AATF: variants seen among roughly 807,000 people sequenced by gnomAD.
AATF encodes apoptosis antagonizing transcription factor, also known as protein AATF.
In AATF, 48 loss-of-function variants were observed where a neutral mutation model predicts 63.7. The observed-to-expected ratio is 0.75, with a 90% confidence interval of 0.60 to 0.96. AATF has a LOEUF of 0.96. Ranked by LOEUF, AATF falls within the 40% of genes least tolerant of loss-of-function variation. The pLI is 0.00. For missense variants in AATF, 639 were observed against 685.7 expected (o/e 0.93, Z 0.76); for synonymous variants, 258 against 247.7 (o/e 1.04, Z -0.39).
intron 11 of AATF, among the ~76,000 whole-genome samples, chr17:37,046,415 G>A (rs2071691430): frequency 6.6e-6 from 1 of 152,098 alleles, no homozygotes; most frequent in Non-Finnish European, 1.5e-5. Context: ...CATGCTCCTT[G>A]AACGCTCGGG....
At chr17:36,978,448 G>A (rs9908383) in intron 4 of AATF, among the ~76,000 whole-genome samples, 4,035 of 151,958 alleles carry the variant, frequency 0.027, 188 homozygotes, top group East Asian at 0.15. Flanking sequence ...GAAAACCCAC[G>A]TCTGCTTTTG....
intron 10 of AATF, among the ~76,000 whole-genome samples, chr17:37,021,466 T>TA (rs2071469514): frequency 6.6e-6 from 1 of 151,920 alleles, no homozygotes; most frequent in Non-Finnish European, 1.5e-5. Context: ...CCATCTCTAC[T>TA]AAAAATACAA....
intron 4 of AATF, among the ~76,000 whole-genome samples, 158 bp downstream of exon 4, chr17:36,954,065 CTTTT>C (rs878859973): frequency 1.6e-5 from 2 of 122,478 alleles, no homozygotes; most frequent in Non-Finnish European, 1.7e-5. Context: ...TTCCAAGTTG[CTTTT>C]TTTTTTTTTT....
intron 8 of AATF, among the ~76,000 whole-genome samples, chr17:37,000,331 G>A (rs919326127): frequency 6.6e-6 from 1 of 152,150 alleles, no homozygotes; most frequent in African/African-American, 2.4e-5. Context: ...TTTGGCCTGA[G>A]CAGTTGGAGG....
At chr17:37,005,468 T>TA (rs1369910048) in intron 8 of AATF, among the ~76,000 whole-genome samples, 1 of 152,072 alleles carries the variant, frequency 6.6e-6, no homozygotes, top group East Asian at 1.9e-4. Flanking sequence ...ATGCTGGAAA[T>TA]ATAGGGAGAG....
chr17:36,984,818 T>A (rs1329914417), intron 4 of AATF, among the ~76,000 whole-genome samples: 2 of 151,806 alleles, frequency 1.3e-5, no homozygotes, highest in African/African-American at 2.4e-5. Flanking sequence ...AAAAAAATTT[T>A]GTAGAGCTGG....
chr17:36,998,216 CT>C (rs1049929516), intron 8 of AATF, among the ~76,000 whole-genome samples: 5 of 150,002 alleles, frequency 3.3e-5, no homozygotes, highest in African/African-American at 1.3e-4. Context: ...AACCCAGTAA[CT>C]TATGGAAAAA....
chr17:37,037,175 C>A (rs370322483), intron 11 of AATF, among the ~76,000 whole-genome samples: 1 of 151,954 alleles, frequency 6.6e-6, no homozygotes, highest in Non-Finnish European at 1.5e-5. Context: ...CTCCCCACCC[C>A]CTGGCTAATT....
chr17:36,966,247 T>C (rs1255941335), intron 4 of AATF, among the ~76,000 whole-genome samples: 1 of 152,156 alleles, frequency 6.6e-6, no homozygotes, highest in Non-Finnish European at 1.5e-5. Flanking sequence ...TAAGTTGTTA[T>C]TTTTAAGCTG....
At chr17:36,976,332 G>A (rs981938405) in intron 4 of AATF, among the ~76,000 whole-genome samples, 1 of 152,154 alleles carries the variant, frequency 6.6e-6, no homozygotes, top group Admixed American at 6.5e-5. Context: ...GATTGTTAGA[G>A]GACTTAAATG....
chr17:37,005,414 TGGTG>T (rs1338847690), intron 8 of AATF, among the ~76,000 whole-genome samples: 1 of 152,164 alleles, frequency 6.6e-6, no homozygotes, highest in African/African-American at 2.4e-5. Flanking sequence ...TTATTGATTC[TGGTG>T]GGGCTGAAGA....
At chr17:37,010,347 A>T (rs2142275902) in intron 8 of AATF, among the ~76,000 whole-genome samples, 1 of 152,254 alleles carries the variant, frequency 6.6e-6, no homozygotes, top group Non-Finnish European at 1.5e-5. Context: ...AGTCCCAGCT[A>T]CTTGAGAGGC....
intron 8 of AATF, among the ~76,000 whole-genome samples, chr17:37,018,161 C>G (rs1175826268): frequency 2.6e-5 from 4 of 152,182 alleles, no homozygotes; most frequent in Non-Finnish European, 2.9e-5. Flanking sequence ...GGGTTTTTCT[C>G]CCTTAGTGTT....
At position 37,040,859 on chromosome 17, in the gene AATF, T is replaced by G. The variant is rs73286038; in HGVS notation, c.1619+9174T>G. On this transcript the variant is annotated intron_variant, in intron 11 of 11. Coordinates refer to ENST00000619387, the MANE Select transcript of AATF (RefSeq NM_012138.4). ...CTGGATTCCCAAACCTGGTTTTATGTTATATCATTCTGGTTACAAAGACCT... is the reference window on the plus strand; with the variant it reads ...CTGGATTCCCAAACCTGGTTTTATGGTATATCATTCTGGTTACAAAGACCT... Among the ~76,000 whole-genome samples, 227 of 152,346 alleles carry G rather than the reference T, an allele frequency of 1.5e-3. 1 individual carries two copies. The highest frequency in any genetic ancestry group is 5.3e-3 in the African/African-American group (221 of 41,586).
intron 4 of AATF, among the ~76,000 whole-genome samples, chr17:36,962,344 A>C (rs888758392): frequency 4.6e-5 from 7 of 152,218 alleles, no homozygotes; most frequent in Non-Finnish European, 1.0e-4. Context: ...ACAGAGCAAG[A>C]ACTTTTCCAA....
chr17:36,998,234 G>T (rs2071269298), intron 8 of AATF, among the ~76,000 whole-genome samples: 1 of 152,062 alleles, frequency 6.6e-6, no homozygotes, highest in Non-Finnish European at 1.5e-5. Flanking sequence ...AAAAAAAAAT[G>T]TATATGTATT....
At position 36,965,194 on chromosome 17, in the gene AATF, G is replaced by A. The variant is rs191453461; in HGVS notation, c.832+11287G>A. On this transcript the variant is annotated intron_variant, in intron 4 of 11. Coordinates refer to ENST00000619387, the MANE Select transcript of AATF (RefSeq NM_012138.4). ...GACTTAACAGCACACATTGATTATCGTATCGTTCTGGAGGTCACAAGTCCT... is the reference window on the plus strand; with the variant it reads ...GACTTAACAGCACACATTGATTATCATATCGTTCTGGAGGTCACAAGTCCT... Among the ~76,000 whole-genome samples the A allele has an allele frequency of 3.3e-5, 5 of 152,196 alleles. No individual in the cohort carries two copies. In the East Asian group the frequency reaches 5.8e-4, roughly 18 times the overall value.
At chr17:37,037,342 A>T (rs1463272243) in intron 11 of AATF, among the ~76,000 whole-genome samples, 1 of 152,150 alleles carries the variant, frequency 6.6e-6, no homozygotes, top group East Asian at 1.9e-4. Flanking sequence ...GAGGCAAAGG[A>T]TCACTTGTTT....
At chr17:37,034,564 AT>A (rs1753332635) in intron 11 of AATF, 2 of 152,256 alleles carry the variant, frequency 1.3e-5, no homozygotes. Context: ...GGCATAGAGA[AT>A]TTTTTAAACT....
Sources: allele counts gnomAD v4.1 joint callset (sites outside exome capture counted in the v4.1 genomes callset), GRCh38; gene constraint gnomAD v4.1.1; transcripts MANE v1.5; gene names NCBI Gene and HGNC (gene_info 2026-07-23, HGNC 2026-07-21).